RSRP1: variants seen among roughly 807,000 people sequenced by gnomAD.
RSRP1 encodes the protein arginine/serine-rich protein 1.
RSRP1 carries 37 observed loss-of-function variants against 33.0 expected under a neutral mutation model. The observed-to-expected ratio is 1.12, with a 90% CI of 0.86 to 1.48. The LOEUF (loss-of-function observed/expected upper bound fraction) is 1.48. Ranked by LOEUF, RSRP1 falls within the 40% of genes most tolerant of loss-of-function variation. RSRP1 has a pLI of 0.00. For missense variants in RSRP1, 402 were observed against 385.3 expected, an observed-to-expected ratio of 1.04 and a Z score of -0.36; for synonymous variants, 167 against 158.7, an observed-to-expected ratio of 1.05 and a Z score of -0.40.
At position 25,319,640 on chromosome 1, in the gene RSRP1, A is replaced by G. The variant is rs746463273; in HGVS notation, c.-67+18338T>C. The stretch of plus-strand genomic sequence containing the variant: ...GGAAACAAAACAACTTGGACAATGG[A>G]AGGGGGAAAAAGTTCCTCAAGCAGC... On this transcript the variant is annotated intron_variant, in intron 1 of 1. Coordinates refer to the RSRP1 transcript ENST00000561867. Among the ~76,000 whole-genome samples, 3 of 132,170 alleles carry G rather than the reference A, an allele frequency of 2.3e-5. 1 individual carries two copies. The highest frequency in any genetic ancestry group is 5.4e-5 in the Non-Finnish European group (3 of 55,748). The allele number at this position is 132,170 out of a possible 152,430, so 86.7% of individuals were successfully genotyped here.
rs559454849 is a variant in RSRP1, at chr1:25,273,107, T to G, written c.-66-26078A>C. Among the ~76,000 whole-genome samples, 7 of 130,916 alleles carry G rather than the reference T, an allele frequency of 5.3e-5. No individual in the cohort carries two copies. In the East Asian group the frequency reaches 9.8e-4, roughly 18 times the overall value. The allele number at this position is 130,916 out of a possible 152,430, so 85.9% of individuals were successfully genotyped here. ...CAATTTCATGTTGTTGGGTTTTTGG[T>G]TTTTGTTTCCTTTTTGTGGCCTCTC... is the stretch of plus-strand genomic sequence containing the variant. On this transcript the variant is annotated intron_variant, in intron 1 of 1. Coordinates refer to the RSRP1 transcript ENST00000561867.
chr1:25,312,920 TAAAAAAAAA>T lies in RSRP1; in HGVS notation c.-67+25049_-67+25057del, dbSNP rs58027687. The stretch of plus-strand genomic sequence containing the variant: ...GGATGATAGAGCAAAATCCCATCTC[TAAAAAAAAA>T]AAAAAAAAAAAAAAAAAAAAAAAAA... On this transcript the variant is annotated intron_variant, in intron 1 of 1. Coordinates refer to the RSRP1 transcript ENST00000561867. Among the ~76,000 whole-genome samples the T allele has an allele frequency of 9.2e-3, 63 of 6,848 alleles. 3 individuals are homozygous for T. The South Asian group carries it at 0.11, about 12-fold the overall frequency. The allele number at this position is 6,848 out of a possible 152,430, so 4.5% of individuals were successfully genotyped here.
chr1:25,305,500 G>C (rs1643741261), intron 1 of RSRP1, among the ~76,000 whole-genome samples: 1 of 126,862 alleles, frequency 7.9e-6, no homozygotes, highest in African/African-American at 2.7e-5. Context: ...GGGTTCAAGT[G>C]ATTCTCCTAC....
At chr1:25,270,789 A>C (rs142776590) in intron 1 of RSRP1, among the ~76,000 whole-genome samples, 2,005 of 131,988 alleles carry the variant, frequency 0.015, 299 homozygotes, top group African/African-American at 0.049. Context: ...TCCTAATAGT[A>C]CCCATCCCAG....
chr1:25,314,887 T>C (rs116051374), intron 1 of RSRP1, among the ~76,000 whole-genome samples: 1,684 of 131,274 alleles, frequency 0.013, 227 homozygotes, highest in African/African-American at 0.041. Flanking sequence ...GTTCCCTTTA[T>C]GTTTAGTTCT....
At chr1:25,247,640 G>A (rs1049944977), upstream of RSRP1, 1 of 152,276 alleles carries the variant, frequency 6.6e-6, no homozygotes, top group African/African-American at 2.4e-5. Context: ...GGGGCTCCAG[G>A]GGGAGGTGTT....
Position 25,321,334 on chromosome 1 carries a change from C to G in RSRP1, c.-67+16644G>C, listed in dbSNP as rs1272686818. 1.4e-4 allele frequency among the ~76,000 whole-genome samples: 17 copies of G among 119,742 alleles called. 4 individuals are homozygous for G. Among genetic ancestry groups the G allele is most frequent in the Non-Finnish European group, 2.5e-4 (13 of 51,310 alleles). The allele number at this position is 119,742 out of a possible 152,430, so 78.6% of individuals were successfully genotyped here. ...ATGTACTGCTCAGTACACTGCCATT[C>G]CCAGTTCTTTTTTTCAAAAAAAAAA... On this transcript the variant is annotated intron_variant, in intron 1 of 1. Transcript: ENST00000561867.
At chr1:25,307,708 T>C (rs1052678383) in intron 1 of RSRP1, 1 of 1,308,346 alleles carries the variant, frequency 7.6e-7, no homozygotes, top group African/African-American at 1.5e-5. Flanking sequence ...GCTGATGCGT[T>C]TGGACGTGTC....
intron 1 of RSRP1, among the ~76,000 whole-genome samples, chr1:25,324,900 TAGAC>T (rs1326091414): frequency 2.7e-5 from 3 of 113,058 alleles, no homozygotes; most frequent in African/African-American, 7.5e-5. Flanking sequence ...AAAAAAAAAT[TAGAC>T]AGGCGTGGTG....
intron 1 of RSRP1, chr1:25,284,850 C>G (rs1380269574): frequency 5.0e-6 from 6 of 1,196,162 alleles, no homozygotes; most frequent in Non-Finnish European, 6.1e-6. Context: ...ATTGCCCCCT[C>G]TCTGTCTAGC....
At chr1:25,314,516 CAG>C (rs1343562742) in intron 1 of RSRP1, among the ~76,000 whole-genome samples, 1 of 132,336 alleles carries the variant, frequency 7.6e-6, no homozygotes, top group Non-Finnish European at 1.8e-5. Context: ...CTTTTTGAAA[CAG>C]AGTCTCCTTC....
chr1:25,245,323 T>C, intron 2 of RSRP1, 22 bp from the exon 3 acceptor site: 1 of 1,592,022 alleles, frequency 6.3e-7, no homozygotes, highest in Admixed American at 1.7e-5. Context: ...AGAGAGAGAT[T>C]TTAAAATACT....
chr1:25,244,089 G>A (rs1639138652), intron 3 of RSRP1: 1 of 1,232,732 alleles, frequency 8.1e-7, no homozygotes, highest in South Asian at 1.4e-5. Flanking sequence ...CGAGACGGGA[G>A]TCTTGCTCTG....
In RSRP1 at chr1:25,269,131, T is replaced by G. The variant is rs1052034522; in HGVS notation, c.-66-22102A>C. ...GTAAGTCAAAAATGCATTTAATACA[T>G]CTAACCTACGGAACATCATAGCTTA... On this transcript the variant is annotated intron_variant, in intron 1 of 1. Transcript: ENST00000561867. 4.5e-5 allele frequency among the ~76,000 whole-genome samples: 6 copies of G among 132,140 alleles called. 1 individual carries two copies. Among genetic ancestry groups the G allele is most frequent in the African/African-American group, 1.5e-4 (6 of 38,774 alleles). 86.7% of individuals were successfully genotyped at this position (132,140 alleles called of 152,430 possible). A position where few individuals can be genotyped will look rare whatever the true frequency, so the allele number is the denominator to read the frequency against.
chr1:25,274,843 C>A (rs1447099694), intron 1 of RSRP1, among the ~76,000 whole-genome samples: 1 of 131,806 alleles, frequency 7.6e-6, no homozygotes, highest in South Asian at 2.3e-4. Flanking sequence ...CGCATCTCTA[C>A]TAAAATTATA....
chr1:25,305,554 G>A (rs1643746338), intron 1 of RSRP1, among the ~76,000 whole-genome samples: 1 of 127,042 alleles, frequency 7.9e-6, no homozygotes, highest in South Asian at 2.4e-4. Context: ...CCACCACCAT[G>A]CCTGGCTAAT....
At chr1:25,268,236 C>G (rs1571549918) in intron 1 of RSRP1, among the ~76,000 whole-genome samples, 1 of 132,830 alleles carries the variant, frequency 7.5e-6, no homozygotes, top group Admixed American at 7.3e-5. Context: ...AACAAATACA[C>G]GGCCGGGCGC....
chr1:25,313,023 C>T (rs1361475645), intron 1 of RSRP1, among the ~76,000 whole-genome samples: 2 of 111,706 alleles, frequency 1.8e-5, no homozygotes, highest in Non-Finnish European at 4.0e-5. Flanking sequence ...GGGCAGGATG[C>T]TGTGGTTTGA....
chr1:25,313,112 G>C (rs1475203088), intron 1 of RSRP1, among the ~76,000 whole-genome samples: 1 of 126,492 alleles, frequency 7.9e-6, no homozygotes, highest in Non-Finnish European at 1.9e-5. Flanking sequence ...GAAGCCTTTG[G>C]GAGGTAACTA....
Sources: gnomAD v4.1 joint callset for allele counts (sites outside exome capture counted in the v4.1 genomes callset) on GRCh38, gnomAD v4.1.1 for gene constraint, MANE v1.5 for transcripts, NCBI Gene and HGNC (gene_info 2026-07-23, HGNC 2026-07-21) for gene names.